UBE2E3: variants seen among roughly 807,000 people sequenced by gnomAD.
UBE2E3 encodes the protein ubiquitin-conjugating enzyme E2 E3.
A neutral mutation model predicts 23.6 loss-of-function variants in UBE2E3; 5 were observed. The observed-to-expected ratio is 0.21, with a 90% CI of 0.11 to 0.44. UBE2E3 has a LOEUF of 0.44. Ranked by LOEUF, UBE2E3 falls within the 20% of genes least tolerant of loss-of-function variation. The pLI, the probability that UBE2E3 is intolerant of heterozygous loss-of-function variation, is 0.99. For missense variants in UBE2E3, 81 were observed against 249.8 expected (o/e 0.32, Z 4.55); for synonymous variants, 78 against 87.5 (o/e 0.89, Z 0.60).
intron 3 of UBE2E3, among the ~76,000 whole-genome samples, chr2:181,057,227 T>C (rs1687013642): frequency 1.3e-5 from 2 of 151,870 alleles, no homozygotes; most frequent in African/African-American, 4.8e-5. Context: ...AATTGTACTT[T>C]AAAGAATTGT....
At chr2:181,008,581 A>G (rs559604382) in intron 3 of UBE2E3, among the ~76,000 whole-genome samples, 1 of 152,352 alleles carries the variant, frequency 6.6e-6, no homozygotes, top group East Asian at 1.9e-4. Flanking sequence ...CCCTGTTCCA[A>G]GCCATGCTCA....
chr2:181,007,582 T>A (rs1685191346), intron 3 of UBE2E3, among the ~76,000 whole-genome samples: 1 of 152,068 alleles, frequency 6.6e-6, no homozygotes, highest in South Asian at 2.1e-4. Flanking sequence ...AGATGGAAAT[T>A]GGAGCTGGAA....
chr2:181,018,130 A>G (rs1023941653), intron 3 of UBE2E3, among the ~76,000 whole-genome samples: 1 of 150,158 alleles, frequency 6.7e-6, no homozygotes, highest in Non-Finnish European at 1.5e-5. Context: ...CATTTTCTTT[A>G]CTCTTCTTGG....
chr2:181,001,530 C>T (rs1684991593), intron 3 of UBE2E3, among the ~76,000 whole-genome samples: 2 of 151,944 alleles, frequency 1.3e-5, no homozygotes, highest in South Asian at 4.2e-4. Context: ...GATACAGCAC[C>T]AGATAAGTAG....
chr2:181,028,455 G>A (rs932780828), intron 3 of UBE2E3, among the ~76,000 whole-genome samples: 2 of 152,138 alleles, frequency 1.3e-5, no homozygotes, highest in Admixed American at 6.5e-5. Flanking sequence ...CACAGAGAAC[G>A]TGCATATTCA....
chr2:181,045,295 G>T (rs1686642926), intron 3 of UBE2E3, among the ~76,000 whole-genome samples: 1 of 152,132 alleles, frequency 6.6e-6, no homozygotes, highest in African/African-American at 2.4e-5. Context: ...TTTCCAAGGA[G>T]GCTGGCATGC....
intron 3 of UBE2E3, among the ~76,000 whole-genome samples, chr2:180,990,366 C>G (rs771116059): frequency 1.7e-4 from 26 of 152,110 alleles, no homozygotes; most frequent in Non-Finnish European, 2.6e-4. Flanking sequence ...AGTTGAGAGA[C>G]CCTCCTATAG....
At chr2:181,023,839 A>G (rs1017143447) in intron 3 of UBE2E3, among the ~76,000 whole-genome samples, 1 of 152,202 alleles carries the variant, frequency 6.6e-6, no homozygotes, top group Middle Eastern at 3.2e-3. Context: ...ATACATGGAA[A>G]GTTCATAAAC....
At chr2:181,021,783 C>A (rs1011168941) in intron 3 of UBE2E3, among the ~76,000 whole-genome samples, 1 of 151,638 alleles carries the variant, frequency 6.6e-6, no homozygotes, top group Admixed American at 6.6e-5. Context: ...AATACTTTTG[C>A]AGACTAGCTT....
chr2:180,981,777 T>C (rs1227190213), intron 1 of UBE2E3, among the ~76,000 whole-genome samples: 1 of 152,220 alleles, frequency 6.6e-6, no homozygotes, highest in Admixed American at 6.5e-5. Flanking sequence ...TGATAGATTG[T>C]CCAAGAGACG....
At chr2:181,011,410 T>C (rs998557850) in intron 3 of UBE2E3, among the ~76,000 whole-genome samples, 3 of 151,988 alleles carry the variant, frequency 2.0e-5, no homozygotes, top group Non-Finnish European at 4.4e-5. Context: ...ATTAACTCAC[T>C]CTAGGGTGGA....
chr2:181,059,354 A>C (rs913339908), intron 4 of UBE2E3, among the ~76,000 whole-genome samples: 6 of 151,806 alleles, frequency 4.0e-5, no homozygotes, highest in African/African-American at 1.4e-4. Flanking sequence ...GTTATAGCTG[A>C]AAATATATTT....
intron 3 of UBE2E3, among the ~76,000 whole-genome samples, chr2:181,051,801 T>G (rs867303840): frequency 6.6e-6 from 1 of 151,924 alleles, no homozygotes; most frequent in African/African-American, 2.4e-5. Context: ...TTGTATGTAA[T>G]TTCTTTTTAA....
At chr2:181,062,147 T>G (rs1687174197) in intron 5 of UBE2E3, among the ~76,000 whole-genome samples, 1 of 151,676 alleles carries the variant, frequency 6.6e-6, no homozygotes, top group Non-Finnish European at 1.5e-5. Flanking sequence ...AAGAAACTTC[T>G]GAGCAGTTGG....
intron 2 of UBE2E3, among the ~76,000 whole-genome samples, chr2:180,983,372 G>T (rs865886801): frequency 6.6e-6 from 1 of 152,088 alleles, no homozygotes; most frequent in African/African-American, 2.4e-5. Flanking sequence ...CTAAAGTTTT[G>T]AAATCATCTT....
At chr2:180,980,566 G>GTCGCCGCCGCGCCCGCCCC (rs1684236313), upstream of UBE2E3, 1 of 148,146 alleles carries the variant, frequency 6.8e-6, no homozygotes, top group Non-Finnish European at 1.5e-5. This position sits in a 1 kb window ranked among gnomAD's most constrained non-coding sequence, Gnocchi z 5.5. Context: ...GAGCACGCGC[G>GTCGCCGCCGCGCCCGCCCC]TCGCCGCCGC....
intron 3 of UBE2E3, among the ~76,000 whole-genome samples, chr2:181,033,705 C>T (rs1686165329): frequency 6.6e-6 from 1 of 152,150 alleles, no homozygotes; most frequent in Non-Finnish European, 1.5e-5. Flanking sequence ...TAAAGAGCTT[C>T]TGCACAGCAA....
At chr2:181,004,367 G>C (rs1003373398) in intron 3 of UBE2E3, among the ~76,000 whole-genome samples, 3 of 152,154 alleles carry the variant, frequency 2.0e-5, no homozygotes, top group Admixed American at 1.3e-4. Context: ...GAGTGTGGTG[G>C]CTCGCACCTG....
At chr2:180,999,161 AATTT>A (rs1020508873) in intron 3 of UBE2E3, among the ~76,000 whole-genome samples, 1 of 152,142 alleles carries the variant, frequency 6.6e-6, no homozygotes, top group Non-Finnish European at 1.5e-5. Context: ...TAAAAGGTCG[AATTT>A]ATTTATTATG....
Sources: allele counts gnomAD v4.1 joint callset (sites outside exome capture counted in the v4.1 genomes callset), GRCh38; gene constraint gnomAD v4.1.1; non-coding constraint Gnocchi (gnomAD v3.1); transcripts MANE v1.5; gene names NCBI Gene and HGNC (gene_info 2026-07-23, HGNC 2026-07-21).